Variants in RBFOX1 observed in about 807,000 individuals in gnomAD.
RBFOX1 encodes the protein RNA binding fox-1 homolog 1, also known as RNA binding protein fox-1 homolog 1.
RBFOX1 carries 8 observed loss-of-function variants against 57.7 expected under a neutral mutation model. The ratio of observed to expected loss-of-function variants is 0.14; its 90% confidence interval spans 0.08 to 0.25. The LOEUF is 0.25. RBFOX1 is among the 10% of genes least tolerant of loss of function. The pLI is 1.00. For missense variants in RBFOX1, 611 were observed against 548.5 expected (o/e 1.11, Z -1.14); for synonymous variants, 326 against 222.4 (o/e 1.47, Z -4.15).
intron 2 of RBFOX1, among the ~76,000 whole-genome samples, chr16:6,535,386 C>G (rs1478732937): frequency 1.3e-5 from 2 of 151,958 alleles, no homozygotes; most frequent in Non-Finnish European, 2.9e-5. Context: ...CGAAGATTCA[C>G]TAGAAGTCTC....
intron 4 of RBFOX1, among the ~76,000 whole-genome samples, chr16:7,312,927 G>A (rs1048076934): frequency 6.6e-6 from 1 of 152,128 alleles, no homozygotes; most frequent in African/African-American, 2.4e-5. Context: ...GGGGCCCCAG[G>A]GTGCCTGGGT....
chr16:7,589,735 C>A (rs1241040038), intron 7 of RBFOX1, among the ~76,000 whole-genome samples: 2 of 151,910 alleles, frequency 1.3e-5, no homozygotes, highest in African/African-American at 4.8e-5. Flanking sequence ...GGAGCATTTC[C>A]ATTTTAATGG....
rs1436518190 is a variant in RBFOX1, at chr16:7,148,537, G to A, written c.27+96439G>A. Among the ~76,000 whole-genome samples the A allele has an allele frequency of 4.6e-5, 7 of 152,182 alleles. No homozygotes were observed. In the East Asian group the frequency reaches 9.6e-4, roughly 21 times the overall value. On this transcript the variant is annotated intron_variant, in intron 4 of 15. Coordinates refer to ENST00000550418, the MANE Select transcript of RBFOX1 (RefSeq NM_018723.4). The stretch of plus-strand genomic sequence containing the variant: ...TTTAACATATTAAGGCCGCAGTGCC[G>A]AGTTCCCTGAACAGACAACATAGCT...
chr16:6,262,311 C>T (rs1450368864), intron 1 of RBFOX1, among the ~76,000 whole-genome samples: 2 of 152,156 alleles, frequency 1.3e-5, no homozygotes, highest in Admixed American at 6.5e-5. Flanking sequence ...ATTTCACTTA[C>T]ATTTCATTAT....
chr16:6,809,359 C>T (rs751050538), intron 3 of RBFOX1, among the ~76,000 whole-genome samples: 1 of 152,114 alleles, frequency 6.6e-6, no homozygotes, highest in Non-Finnish European at 1.5e-5. Context: ...CTCTAAGTGC[C>T]AGCCACTGTG....
intron 3 of RBFOX1, among the ~76,000 whole-genome samples, chr16:5,775,412 C>G (rs1185246662): frequency 2.0e-5 from 3 of 152,230 alleles, no homozygotes; most frequent in African/African-American, 7.2e-5. Flanking sequence ...GTTGGAGGGA[C>G]TGATGCAAGC....
At chr16:6,512,327 T>C (rs2096272745) in intron 2 of RBFOX1, among the ~76,000 whole-genome samples, 1 of 144,240 alleles carries the variant, frequency 6.9e-6, no homozygotes. Flanking sequence ...TTTATGCATG[T>C]ATTTAATGAA....
chr16:6,629,377 G>A (rs1006574516), intron 2 of RBFOX1, among the ~76,000 whole-genome samples: 1 of 152,196 alleles, frequency 6.6e-6, no homozygotes, highest in African/African-American at 2.4e-5. Flanking sequence ...GATGTTTAAC[G>A]ACTTTTGGCC....
At chr16:6,779,294 T>C (rs553306469) in intron 3 of RBFOX1, among the ~76,000 whole-genome samples, 1 of 152,180 alleles carries the variant, frequency 6.6e-6, no homozygotes, top group South Asian at 2.1e-4. Context: ...TGGCTTATTT[T>C]AGTTGGCATC....
intron 1 of RBFOX1, among the ~76,000 whole-genome samples, chr16:6,251,505 A>G (rs1364954775): frequency 1.3e-5 from 2 of 152,066 alleles, no homozygotes; most frequent in East Asian, 1.9e-4. Flanking sequence ...TTAGATATTT[A>G]TTATACATGG....
chr16:6,117,309 C>A (rs1477003386), intron 1 of RBFOX1, among the ~76,000 whole-genome samples: 1 of 152,180 alleles, frequency 6.6e-6, no homozygotes, highest in Non-Finnish European at 1.5e-5. Context: ...ATGACAATTA[C>A]CTTTAAAACT....
At chr16:7,243,916 C>G (rs2094177259) in intron 4 of RBFOX1, among the ~76,000 whole-genome samples, 1 of 152,092 alleles carries the variant, frequency 6.6e-6, no homozygotes. Context: ...CTCTTAATTT[C>G]TAATGGATTT....
chr16:5,909,973 A>G (rs1174055774), intron 4 of RBFOX1, among the ~76,000 whole-genome samples: 1 of 152,104 alleles, frequency 6.6e-6, no homozygotes, highest in African/African-American at 2.4e-5. Flanking sequence ...GAGTCACTTG[A>G]ACCTGGGAGG....
rs543212461 is a variant in RBFOX1, at chr16:6,244,605, G to A, written c.-126-72390G>A. Among the ~76,000 whole-genome samples the A allele has an allele frequency of 1.6e-4, 24 of 152,308 alleles. No individual in the cohort carries two copies. The South Asian group carries it at 3.9e-3, about 25-fold the overall frequency. On this transcript the variant is annotated intron_variant, in intron 1 of 15. Coordinates refer to ENST00000550418, the MANE Select transcript of RBFOX1 (RefSeq NM_018723.4). ...TGCAATGTTCGCCTCTTGGGTCCCAGTTCAAGCAATTCTCCTGCCTCAGCC... is the reference window on the plus strand; with the variant it reads ...TGCAATGTTCGCCTCTTGGGTCCCAATTCAAGCAATTCTCCTGCCTCAGCC...
At chr16:6,881,365 C>G (rs879683108) in intron 3 of RBFOX1, among the ~76,000 whole-genome samples, 5 of 152,156 alleles carry the variant, frequency 3.3e-5, no homozygotes, top group Non-Finnish European at 5.9e-5. Context: ...AAACAACAAA[C>G]AGTTACTCTC....
intron 3 of RBFOX1, among the ~76,000 whole-genome samples, chr16:6,979,056 C>G (rs373703457): frequency 7.9e-5 from 12 of 152,238 alleles, no homozygotes; most frequent in African/African-American, 2.9e-4. Flanking sequence ...ATTATGAAAG[C>G]TAGAGAGAAT....
At chr16:6,881,017 C>T (rs1048706270) in intron 3 of RBFOX1, among the ~76,000 whole-genome samples, 1 of 152,142 alleles carries the variant, frequency 6.6e-6, no homozygotes, top group African/African-American at 2.4e-5. Flanking sequence ...AAATACGTGG[C>T]CCATACCCTC....
In RBFOX1 at chr16:7,710,843, CTAAAAAAAAAAA is replaced by C. The variant is rs2083899988; in HGVS notation, c.*99_*110del. On this transcript the variant is annotated 3_prime_UTR_variant, in exon 16 of 16. Coordinates refer to ENST00000550418, the MANE Select transcript of RBFOX1 (RefSeq NM_018723.4). ...GCAGTAGTACATCATTTTAGCAACTCTAAAAAAAAAAAAAATACAAATAAAAAGGAAAAAAAA... is the reference window on the plus strand; with the variant it reads ...GCAGTAGTACATCATTTTAGCAACTCAAATACAAATAAAAAGGAAAAAAAA... The C allele has an allele frequency of 1.3e-6, 1 of 759,038 alleles. No individual in the cohort carries two copies. Among genetic ancestry groups the C allele is most frequent in the East Asian group, 3.7e-5 (1 of 26,982 alleles). 47.0% of individuals were successfully genotyped at this position (759,038 alleles called of 1,614,324 possible).
intron 2 of RBFOX1, among the ~76,000 whole-genome samples, chr16:6,362,471 T>C (rs2088748851): frequency 6.6e-6 from 1 of 152,184 alleles, no homozygotes; most frequent in Non-Finnish European, 1.5e-5. Flanking sequence ...TTGTCCAATA[T>C]GAGGCCACCT....
Sources: allele counts gnomAD v4.1 joint callset (sites outside exome capture counted in the v4.1 genomes callset), GRCh38; gene constraint gnomAD v4.1.1; transcripts MANE v1.5; gene names NCBI Gene and HGNC (gene_info 2026-07-23, HGNC 2026-07-21).